USP13: variants seen among roughly 807,000 people sequenced by gnomAD.
The protein encoded by USP13 is ubiquitin specific peptidase 13, also known as ubiquitin carboxyl-terminal hydrolase 13.
Under a neutral mutation model 107.8 loss-of-function variants are expected in USP13, and 68 were observed. The ratio of observed to expected loss-of-function variants is 0.63; its 90% CI spans 0.52 to 0.77. USP13 has a LOEUF of 0.77. Among genes scored for constraint, USP13 ranks in the 30% least tolerant of loss-of-function variants. The pLI, the probability that USP13 is intolerant of heterozygous loss-of-function variation, is 0.00. For missense variants in USP13, 945 were observed against 1,093.3 expected (o/e 0.86, Z 1.91); for synonymous variants, 377 against 389.5 (o/e 0.97, Z 0.38).
chr3:179,785,345 A>T lies in USP13; in HGVS notation c.*1204A>T, dbSNP rs1020191533. 2.0e-5 allele frequency: 3 copies of T among 152,182 alleles called. No individual in the cohort carries two copies. The highest frequency in any genetic ancestry group is 2.9e-5 in the Non-Finnish European group (2 of 68,034). 9.4% of individuals were successfully genotyped at this position (152,182 alleles called of 1,614,324 possible). ...ATCTTGGACACACTAAGGATTTTAG[A>T]TGCAAAGAAACTTTATACAACATTA... On this transcript the variant is annotated 3_prime_UTR_variant, in exon 21 of 21. Coordinates refer to ENST00000263966, the MANE Select transcript of USP13 (RefSeq NM_003940.3).
chr3:179,733,687 G>C (rs1293002341), intron 10 of USP13, among the ~76,000 whole-genome samples: 1 of 152,158 alleles, frequency 6.6e-6, no homozygotes, highest in African/African-American at 2.4e-5. Context: ...TGTATGGTGT[G>C]GGGGAGAGAG....
At chr3:179,765,507 T>C (rs1482361836) in intron 18 of USP13, among the ~76,000 whole-genome samples, 188 bp from the exon 19 acceptor site, 1 of 152,240 alleles carries the variant, frequency 6.6e-6, no homozygotes, top group Non-Finnish European at 1.5e-5. Context: ...GCTGGGAGAC[T>C]TGCAGAATGC....
chr3:179,659,783 A>T (rs1720402809), intron 1 of USP13, among the ~76,000 whole-genome samples: 1 of 152,180 alleles, frequency 6.6e-6, no homozygotes, highest in Admixed American at 6.5e-5. Flanking sequence ...TCACACCTGT[A>T]ATCCCAGCAC....
Position 179,653,685 on chromosome 3 carries a change from A to G in USP13, c.168+292A>G, listed in dbSNP as rs1444580865. On this transcript the variant is annotated intron_variant, in intron 1 of 20. Transcript: ENST00000263966. The surrounding 1 kb of genome is among the most constrained non-coding windows in gnomAD (Gnocchi z 4.0). ...CGTTTAAAGATAGATGAAATACAAG[A>G]GTTCCCTGTTCCGAACTGCACGTTG... 4 of 394,280 alleles carry G rather than the reference A, an allele frequency of 1.0e-5. 1 individual carries two copies. Among genetic ancestry groups the G allele is most frequent in the African/African-American group, 8.4e-5 (4 of 47,532 alleles). The allele number at this position is 394,280 out of a possible 1,614,324, so 24.4% of individuals were successfully genotyped here.
In USP13 at chr3:179,742,468, T is replaced by A; in HGVS notation, c.1534+118T>A. The A allele has an allele frequency of 1.6e-6, 2 of 1,276,288 alleles. No homozygotes were observed. Among genetic ancestry groups the A allele is most frequent in the South Asian group, 2.9e-5 (2 of 69,344 alleles). The allele number at this position is 1,276,288 out of a possible 1,614,324, so 79.1% of individuals were successfully genotyped here. On this transcript the variant is annotated intron_variant, in intron 12 of 20. Coordinates refer to ENST00000263966, the MANE Select transcript of USP13 (RefSeq NM_003940.3). The surrounding 1 kb of genome is among the most constrained non-coding windows in gnomAD (Gnocchi z 5.0). ...AGGAGTAGACCCAGCCCAGGTGATG[T>A]CTGCTTTGCACATCTCTTTTCATCT...
At chr3:179,720,340 C>G (rs921475279) in intron 7 of USP13, among the ~76,000 whole-genome samples, 4 of 152,032 alleles carry the variant, frequency 2.6e-5, no homozygotes, top group Non-Finnish European at 1.5e-5. Context: ...ATTCTTTGTT[C>G]GCGAAACGCA....
At chr3:179,761,707 G>A (rs1446066033) in intron 17 of USP13, among the ~76,000 whole-genome samples, 1 of 152,058 alleles carries the variant, frequency 6.6e-6, no homozygotes, top group Non-Finnish European at 1.5e-5. Flanking sequence ...GAGTGACAGA[G>A]CGAGACTCTG....
intron 1 of USP13, among the ~76,000 whole-genome samples, chr3:179,681,119 C>T (rs1560046443): frequency 6.6e-6 from 1 of 152,050 alleles, no homozygotes; most frequent in Admixed American, 6.5e-5. Flanking sequence ...ATTTGGGAAA[C>T]GATTGCTCGG....
At position 179,754,997 on chromosome 3, in the gene USP13, A is replaced by G. The variant is rs1038228720; in HGVS notation, c.1921+143A>G. ...CTTGCTGTGATGTAACCCACCACCG[A>G]CACAGGAGGGAGGCATGGCTGCAAT... On this transcript the variant is annotated intron_variant, in intron 15 of 20. Transcript: ENST00000263966. 6 of 1,106,194 alleles carry G rather than the reference A, an allele frequency of 5.4e-6. No homozygotes were observed. In the African/African-American group the frequency reaches 9.6e-5, roughly 18 times the overall value. 68.5% of individuals were successfully genotyped at this position (1,106,194 alleles called of 1,614,324 possible).
Position 179,745,354 on chromosome 3 carries a change from C to T in USP13, c.1709+137C>T, listed in dbSNP as rs572904261. On this transcript the variant is annotated intron_variant, in intron 13 of 20. Coordinates refer to ENST00000263966, the MANE Select transcript of USP13 (RefSeq NM_003940.3). ...GTGTGATGGATGGGATTATGGTTCACACACCCTAACTGTCGTCAAACTTCA... is the reference window on the plus strand; with the variant it reads ...GTGTGATGGATGGGATTATGGTTCATACACCCTAACTGTCGTCAAACTTCA... 4.3e-4 allele frequency: 470 copies of T among 1,091,466 alleles called. 2 individuals carry two copies. In the African/African-American group the frequency reaches 7.0e-3, roughly 16 times the overall value. The allele number at this position is 1,091,466 out of a possible 1,614,324, so 67.6% of individuals were successfully genotyped here.
intron 12 of USP13, among the ~76,000 whole-genome samples, chr3:179,744,623 G>C (rs1314239483): frequency 6.6e-6 from 1 of 152,186 alleles, no homozygotes; most frequent in Admixed American, 6.5e-5. Context: ...GGGAAGACGT[G>C]AGCCCTTGGA....
At chr3:179,743,035 A>G (rs889947650) in intron 12 of USP13, among the ~76,000 whole-genome samples, 10 of 152,310 alleles carry the variant, frequency 6.6e-5, no homozygotes, top group Admixed American at 6.5e-4. Flanking sequence ...TCTCCTGTGA[A>G]CTAGTCATTT....
intron 5 of USP13, among the ~76,000 whole-genome samples, chr3:179,707,555 T>C (rs1368049426): frequency 6.6e-6 from 1 of 152,226 alleles, no homozygotes; most frequent in Admixed American, 6.5e-5. Context: ...TGACATATCC[T>C]GTACCAGCTT....
Position 179,653,075 on chromosome 3 carries a change from C to G in USP13, c.-151C>G. On this transcript the variant is annotated 5_prime_UTR_variant, in exon 1 of 21. Coordinates refer to ENST00000263966, the MANE Select transcript of USP13 (RefSeq NM_003940.3). The surrounding 1 kb of genome is among the most constrained non-coding windows in gnomAD (Gnocchi z 4.0). ...AAGCCCGCGGTGCCCGCTCCCGCCCCGCAGCCCGCTCTCCCCGCCCGCCCC... is the reference window on the plus strand; with the variant it reads ...AAGCCCGCGGTGCCCGCTCCCGCCCGGCAGCCCGCTCTCCCCGCCCGCCCC... 1.6e-6 allele frequency: 1 copy of G among 623,570 alleles called. No homozygotes were observed. Among genetic ancestry groups the G allele is most frequent in the Non-Finnish European group, 2.0e-6 (1 of 500,584 alleles). 38.6% of individuals were successfully genotyped at this position (623,570 alleles called of 1,614,324 possible). A position where few individuals can be genotyped will look rare whatever the true frequency, so the allele number is the denominator to read the frequency against.
chr3:179,693,937 C>A (rs573558372), intron 3 of USP13, among the ~76,000 whole-genome samples: 4 of 152,088 alleles, frequency 2.6e-5, no homozygotes, highest in Non-Finnish European at 5.9e-5. Flanking sequence ...CCTTGGCCTC[C>A]CAAAGTGCTG....
intron 17 of USP13, among the ~76,000 whole-genome samples, chr3:179,761,737 C>A (rs535778168): frequency 9.2e-5 from 14 of 151,826 alleles, no homozygotes; most frequent in Non-Finnish European, 1.5e-4. Context: ...AACAAACAAA[C>A]AAAAAAACAA....
intron 14 of USP13, among the ~76,000 whole-genome samples, chr3:179,754,013 T>A (rs546410845): frequency 6.6e-6 from 1 of 152,322 alleles, no homozygotes; most frequent in Middle Eastern, 3.4e-3. Context: ...AGTTAGAATA[T>A]CCACAGTACC....
chr3:179,777,934 G>A (rs1715605391), intron 19 of USP13, among the ~76,000 whole-genome samples: 1 of 152,270 alleles, frequency 6.6e-6, no homozygotes, highest in African/African-American at 2.4e-5. Context: ...TACATAGGGA[G>A]GTAAAGGTGG....
Position 179,653,543 on chromosome 3 carries a change from A to T in USP13, c.168+150A>T. The T allele has an allele frequency of 8.8e-7, 1 of 1,141,160 alleles. No homozygotes were observed. Among genetic ancestry groups the T allele is most frequent in the East Asian group, 2.7e-5 (1 of 36,640 alleles). 70.7% of individuals were successfully genotyped at this position (1,141,160 alleles called of 1,614,324 possible). A position where few individuals can be genotyped will look rare whatever the true frequency, so the allele number is the denominator to read the frequency against. ...GAACACTGCAGTTCGGCAGACACTT[A>T]GTGAGCGCCCCAGGGCTGCTGCAGC... On this transcript the variant is annotated intron_variant, in intron 1 of 20. Coordinates refer to ENST00000263966, the MANE Select transcript of USP13 (RefSeq NM_003940.3). The surrounding 1 kb of genome is among the most constrained non-coding windows in gnomAD (Gnocchi z 4.0).
Sources: allele counts gnomAD v4.1 joint callset (sites outside exome capture counted in the v4.1 genomes callset), GRCh38; gene constraint gnomAD v4.1.1; non-coding constraint Gnocchi (gnomAD v3.1); transcripts MANE v1.5; gene names NCBI Gene and HGNC (gene_info 2026-07-23, HGNC 2026-07-21).